Variants in GON4L observed in about 807,000 individuals in gnomAD.
The protein encoded by GON4L is gon-4 like, also known as GON-4-like protein.
A neutral mutation model predicts 211.8 loss-of-function variants in GON4L; 87 were observed. The ratio of observed to expected loss-of-function variants is 0.41; its 90% CI spans 0.35 to 0.49. The LOEUF (loss-of-function observed/expected upper bound fraction) is 0.49, where lower values mean the gene tolerates loss of function less well. GON4L is among the 20% of genes least tolerant of loss of function. The pLI, the probability that GON4L is intolerant of heterozygous loss-of-function variation, is 0.15. For synonymous variants in GON4L, 875 were observed against 962.6 expected (o/e 0.91, Z 1.68); for missense variants, 2,155 against 2,659.5 (o/e 0.81, Z 4.17).
intron 2 of GON4L, among the ~76,000 whole-genome samples, chr1:155,849,915 C>T (rs899010837): frequency 6.7e-6 from 1 of 149,508 alleles, no homozygotes; most frequent in African/African-American, 2.5e-5. Flanking sequence ...AAAGGAAATG[C>T]CTTTTTTCCA....
At chr1:155,802,216 G>A (rs1418258962) in intron 11 of GON4L, among the ~76,000 whole-genome samples, 2 of 149,384 alleles carry the variant, frequency 1.3e-5, no homozygotes, top group Non-Finnish European at 3.0e-5. Context: ...ATGACTGGTA[G>A]GAAAATGAAG....
At chr1:155,831,974 G>A (rs1029949329) in intron 2 of GON4L, among the ~76,000 whole-genome samples, 9 of 152,034 alleles carry the variant, frequency 5.9e-5, no homozygotes, top group African/African-American at 1.7e-4. Flanking sequence ...CCCAGGAGGC[G>A]GAGCTTGCAG....
intron 24 of GON4L, among the ~76,000 whole-genome samples, chr1:155,759,469 G>A (rs1458626918): frequency 6.6e-6 from 1 of 152,056 alleles, no homozygotes; most frequent in African/African-American, 2.4e-5. Context: ...GGCTACTCGG[G>A]AGGCTGAGGC....
intron 2 of GON4L, among the ~76,000 whole-genome samples, chr1:155,828,941 G>A (rs1186161443): frequency 1.3e-5 from 2 of 152,098 alleles, no homozygotes; most frequent in Non-Finnish European, 2.9e-5. Flanking sequence ...GACTTGGGGA[G>A]CAAGAGTACA....
chr1:155,855,827 CA>C (rs1176995510), intron 1 of GON4L, among the ~76,000 whole-genome samples: 4 of 151,622 alleles, frequency 2.6e-5, no homozygotes, highest in Admixed American at 6.6e-5. Context: ...CTAAAAAATA[CA>C]AAAATTAGCC....
chr1:155,814,511 A>C (rs910515216), intron 8 of GON4L, 62 bp from the exon 9 acceptor site: 35 of 1,507,196 alleles, frequency 2.3e-5, no homozygotes, highest in Non-Finnish European at 3.0e-5. Context: ...CAAAGTCTGA[A>C]GTATCTCAAG....
chr1:155,825,069 T>A (rs1283341536), intron 3 of GON4L, among the ~76,000 whole-genome samples: 1 of 151,706 alleles, frequency 6.6e-6, no homozygotes, highest in Non-Finnish European at 1.5e-5. Flanking sequence ...GAGGCTGAAG[T>A]GGGAAGATCA....
chr1:155,752,943 CA>C (rs773109954), intron 29 of GON4L, among the ~76,000 whole-genome samples: 81 of 152,172 alleles, frequency 5.3e-4, no homozygotes, highest in Middle Eastern at 3.4e-3. Context: ...GATTTGGAGA[CA>C]GGGGGAAGGG....
At chr1:155,824,290 C>T (rs913233805) in intron 3 of GON4L, among the ~76,000 whole-genome samples, 1 of 150,898 alleles carries the variant, frequency 6.6e-6, no homozygotes, top group Non-Finnish European at 1.5e-5. Flanking sequence ...AAAAATTAGC[C>T]GGCCATGGTG....
rs536634182 is a variant in GON4L at position 155,825,949 on chromosome 1, G to A, written c.697+888C>T. Among the ~76,000 whole-genome samples the A allele has an allele frequency of 1.3e-3, 197 of 152,026 alleles. 1 individual carries two copies. The highest frequency in any genetic ancestry group is 4.5e-3 in the African/African-American group (187 of 41,478). On this transcript the variant is annotated intron_variant, in intron 3 of 31. Coordinates refer to ENST00000368331, the MANE Select transcript of GON4L (RefSeq NM_001282860.2). The stretch of plus-strand genomic sequence containing the variant: ...TCCCAGCTACTAGGGATGCTGAGGC[G>A]GGAGAATCGCTTGAACCTGGGAGGC...
chr1:155,767,032 C>G (rs1662580599), intron 20 of GON4L: 1 of 553,536 alleles, frequency 1.8e-6, no homozygotes, highest in African/African-American at 1.9e-5. Context: ...GAGCAAGACT[C>G]TGTCTCAAAA....
At chr1:155,806,484 G>A (rs1667142392) in intron 10 of GON4L, among the ~76,000 whole-genome samples, 1 of 151,942 alleles carries the variant, frequency 6.6e-6, no homozygotes, top group African/African-American at 2.4e-5. Context: ...GGGGTGGGGG[G>A]ACTCCCTATG....
chr1:155,826,745 G>T, intron 3 of GON4L, 92 bp downstream of exon 3: 1 of 842,656 alleles, frequency 1.2e-6, no homozygotes, highest in Non-Finnish European at 2.0e-6. Flanking sequence ...AAAATATAGT[G>T]AATTCAGGAT....
At chr1:155,852,814 T>A (rs1671929304) in intron 2 of GON4L, among the ~76,000 whole-genome samples, 1 of 150,716 alleles carries the variant, frequency 6.6e-6, no homozygotes, top group Admixed American at 6.6e-5. Flanking sequence ...CTATATCCAT[T>A]CATAAAGTTC....
chr1:155,853,589 C>CAAAA lies in GON4L; in HGVS notation c.191_192insTTTT (p.Leu64PhefsTer34). The CAAAA allele has an allele frequency of 6.2e-7, 1 of 1,614,186 alleles. No homozygotes were observed. Among genetic ancestry groups the CAAAA allele is most frequent in the Non-Finnish European group, 8.5e-7 (1 of 1,180,008 alleles). ...TACCAAGCTGATTTCCTGCATCCTGCAAAGACTGTACTTCGAAGCCAGCTA... is the reference window on the plus strand; with the variant it reads ...TACCAAGCTGATTTCCTGCATCCTGCAAAAAAAGACTGTACTTCGAAGCCAGCTA... On this transcript the variant is annotated frameshift_variant, in exon 2 of 32. Transcript: ENST00000368331. LOFTEE classifies it high-confidence loss of function.
intron 19 of GON4L, among the ~76,000 whole-genome samples, chr1:155,770,377 A>C (rs1663070812): frequency 6.6e-6 from 1 of 152,320 alleles, no homozygotes; most frequent in Middle Eastern, 3.4e-3. Context: ...ACAAAATAAA[A>C]TAATGAGCTA....
intron 10 of GON4L, among the ~76,000 whole-genome samples, chr1:155,807,703 C>CAAAAAAAAAAAAAAAAAAAA (rs61248477): frequency 1.3e-4 from 7 of 52,886 alleles, no homozygotes; most frequent in Admixed American, 3.8e-4. Flanking sequence ...GACTCCGTCT[C>CAAAAAAAAAAAAAAAAAAAA]AAAAAAAAAA....
intron 2 of GON4L, among the ~76,000 whole-genome samples, chr1:155,833,565 G>A (rs1239554024): frequency 7.2e-6 from 1 of 138,082 alleles, no homozygotes; most frequent in Admixed American, 7.8e-5. Flanking sequence ...AGAATGGCGT[G>A]AACCCGGGAG....
At chr1:155,754,520 AGTTGT>A in intron 27 of GON4L, 32 bp from the exon 28 acceptor site, 1 of 783,554 alleles carries the variant, frequency 1.3e-6, no homozygotes, top group Non-Finnish European at 2.1e-6. Flanking sequence ...TTAGCTGCCA[AGTTGT>A]TTTTTTTTTT....
Sources: gnomAD v4.1 joint callset for allele counts (sites outside exome capture counted in the v4.1 genomes callset) on GRCh38, gnomAD v4.1.1 for gene constraint, MANE v1.5 for transcripts, NCBI Gene and HGNC (gene_info 2026-07-23, HGNC 2026-07-21) for gene names.